Variants in RPA3 observed in about 807,000 individuals in gnomAD.
The protein encoded by RPA3 is replication protein A3, also known as replication protein A 14 kDa subunit.
A neutral mutation model predicts 13.7 loss-of-function variants in RPA3; 24 were observed. The ratio of observed to expected loss-of-function variants is 1.75; its 90% CI spans 1.27 to 2.46. The LOEUF is 2.46. Among genes scored for constraint, RPA3 ranks in the 30% most tolerant of loss-of-function variants. The pLI is 0.00. For missense variants in RPA3, 183 were observed against 151.0 expected (o/e 1.21, Z -1.11); for synonymous variants, 59 against 51.2 (o/e 1.15, Z -0.65).
At chr7:7,660,881 T>C (rs1785458196) in intron 4 of RPA3, among the ~76,000 whole-genome samples, 1 of 152,222 alleles carries the variant, frequency 6.6e-6, no homozygotes, top group Non-Finnish European at 1.5e-5. Flanking sequence ...TCCTGGATAA[T>C]ATCCTGAAGA....
intron 2 of RPA3, among the ~76,000 whole-genome samples, chr7:7,711,850 A>G (rs546871333): frequency 3.9e-5 from 6 of 152,276 alleles, no homozygotes; most frequent in Admixed American, 6.5e-5. Flanking sequence ...TTTCAGTCTG[A>G]TTTAAAAAGT....
intron 2 of RPA3, among the ~76,000 whole-genome samples, chr7:7,711,293 G>A (rs1427624101): frequency 6.6e-6 from 1 of 152,160 alleles, no homozygotes; most frequent in African/African-American, 2.4e-5. Flanking sequence ...ACATGATGCT[G>A]TTACAAACAT....
intron 4 of RPA3, among the ~76,000 whole-genome samples, chr7:7,677,341 T>C (rs1174917577): frequency 6.6e-6 from 1 of 152,156 alleles, no homozygotes; most frequent in African/African-American, 2.4e-5. Context: ...TACTAGATCT[T>C]ATTCCTTCTA....
chr7:7,698,063 T>G (rs143873369), intron 2 of RPA3, among the ~76,000 whole-genome samples: 1 of 152,326 alleles, frequency 6.6e-6, no homozygotes, highest in African/African-American at 2.4e-5. Context: ...GCACTTCACG[T>G]TCTGGCTAGA....
intron 4 of RPA3, among the ~76,000 whole-genome samples, chr7:7,664,431 C>T (rs530127063): frequency 6.6e-6 from 1 of 152,314 alleles, no homozygotes; most frequent in South Asian, 2.1e-4. Context: ...CCAACAAATC[C>T]TGTTTTGCCA....
chr7:7,688,502 A>G (rs1370352673), intron 2 of RPA3, among the ~76,000 whole-genome samples: 2 of 152,138 alleles, frequency 1.3e-5, no homozygotes. Flanking sequence ...GTGTTTCCTC[A>G]TGCAGAGTGC....
rs556741115 is a variant in RPA3, at chr7:7,659,197, T to G, written c.-757-18022A>C. 6.6e-5 allele frequency among the ~76,000 whole-genome samples: 10 copies of G among 152,332 alleles called. 1 individual carries two copies. The highest frequency in any genetic ancestry group is 2.4e-4 in the African/African-American group (10 of 41,582). ...GCATCTATTTGATTCTTCTCTCTTT[T>G]CTTCTTTATTGGTCTTGCTAGCAGT... On this transcript the variant is annotated intron_variant, in intron 4 of 7. Coordinates refer to ENST00000223129, the MANE Select transcript of RPA3 (RefSeq NM_002947.5).
chr7:7,715,723 A>G (rs1178379179), intron 1 of RPA3, among the ~76,000 whole-genome samples: 2 of 152,240 alleles, frequency 1.3e-5, no homozygotes, highest in African/African-American at 4.8e-5. Context: ...TCCTTCCTGT[A>G]ATCCATGAAT....
At chr7:7,638,047 C>T in intron 6 of RPA3, 75 bp from the exon 7 acceptor site, 3 of 1,060,352 alleles carry the variant, frequency 2.8e-6, no homozygotes, top group Non-Finnish European at 4.3e-6. Context: ...AACTGTTATA[C>T]AGGTTACTAA....
chr7:7,665,775 T>G (rs1459856699), intron 4 of RPA3, among the ~76,000 whole-genome samples: 2 of 152,130 alleles, frequency 1.3e-5, no homozygotes, highest in African/African-American at 4.8e-5. Context: ...CTTATATAAA[T>G]GGAATCATAT....
rs1195993150 is a variant in RPA3, at chr7:7,658,772, C to T, written c.-757-17597G>A. Among the ~76,000 whole-genome samples the T allele has an allele frequency of 2.6e-5, 4 of 152,070 alleles. No individual in the cohort carries two copies. In the East Asian group the frequency reaches 7.7e-4, roughly 29 times the overall value. The stretch of plus-strand genomic sequence containing the variant: ...ATCAGGAATGTTGGCCTGAAATTTT[C>T]TTTTTTTGTTGTATCTCTGCCTGGT... On this transcript the variant is annotated intron_variant, in intron 4 of 7. Transcript: ENST00000223129.
chr7:7,664,994 G>GAT (rs1220086474), intron 4 of RPA3, among the ~76,000 whole-genome samples: 1 of 140,760 alleles, frequency 7.1e-6, no homozygotes, highest in Non-Finnish European at 1.6e-5. Flanking sequence ...GTGTGTGGGT[G>GAT]ATATATAGAT....
chr7:7,706,754 C>G (rs1180463296), intron 2 of RPA3, among the ~76,000 whole-genome samples: 1 of 152,188 alleles, frequency 6.6e-6, no homozygotes, highest in East Asian at 1.9e-4. Context: ...TAGTAAGTGA[C>G]AGCTGGGATT....
intron 4 of RPA3, among the ~76,000 whole-genome samples, chr7:7,659,858 T>A (rs111420448): frequency 7.2e-5 from 11 of 152,338 alleles, no homozygotes; most frequent in African/African-American, 2.6e-4. Flanking sequence ...AATATCCTTG[T>A]TAATTTTCTG....
intron 2 of RPA3, among the ~76,000 whole-genome samples, chr7:7,706,241 GA>G (rs796383719): frequency 6.6e-6 from 1 of 152,112 alleles, no homozygotes; most frequent in African/African-American, 2.4e-5. Flanking sequence ...CTTCTGAGAT[GA>G]AAAAAATCAT....
intron 4 of RPA3, chr7:7,673,226 C>A: frequency 1.2e-6 from 1 of 849,116 alleles, no homozygotes; most frequent in Non-Finnish European, 1.9e-6. Flanking sequence ...ATTGTTATAT[C>A]GTTATGCTGA....
chr7:7,667,758 A>G (rs549395851), intron 4 of RPA3, among the ~76,000 whole-genome samples: 1 of 152,348 alleles, frequency 6.6e-6, no homozygotes, highest in East Asian at 1.9e-4. Flanking sequence ...GAAATATTAT[A>G]TTAAAGAAAG....
intron 1 of RPA3, among the ~76,000 whole-genome samples, chr7:7,717,685 G>A (rs1780952668): frequency 6.6e-6 from 1 of 152,062 alleles, no homozygotes; most frequent in Admixed American, 6.5e-5. Flanking sequence ...TGGAGTATTT[G>A]GAAAACTACT....
At chr7:7,643,010 CA>C (rs1445957215) in intron 4 of RPA3, among the ~76,000 whole-genome samples, 5 of 152,082 alleles carry the variant, frequency 3.3e-5, no homozygotes, top group African/African-American at 1.2e-4. Flanking sequence ...GTACGTAGAT[CA>C]TATTTTTTTT....
Sources: allele counts gnomAD v4.1 joint callset (sites outside exome capture counted in the v4.1 genomes callset), GRCh38; gene constraint gnomAD v4.1.1; transcripts MANE v1.5; gene names NCBI Gene and HGNC (gene_info 2026-07-23, HGNC 2026-07-21).